DLG1: variants seen among roughly 807,000 people sequenced by gnomAD.
DLG1 encodes discs large MAGUK scaffold protein 1.
Under a neutral mutation model 123.4 loss-of-function variants are expected in DLG1, and 42 were observed. The observed-to-expected ratio is 0.34, with a 90% confidence interval of 0.27 to 0.44. The LOEUF is 0.44. DLG1 is among the 20% of genes least tolerant of loss of function. The pLI is 1.00. For missense variants in DLG1, 942 were observed against 1,082.6 expected (o/e 0.87, Z 1.82); for synonymous variants, 317 against 356.2 (o/e 0.89, Z 1.24).
At chr3:197,271,004 A>T (rs1214756530) in intron 4 of DLG1, among the ~76,000 whole-genome samples, 2 of 152,146 alleles carry the variant, frequency 1.3e-5, no homozygotes, top group Non-Finnish European at 2.9e-5. Context: ...TGTCATTTAA[A>T]GGGGGGGAAA....
At position 197,288,449 on chromosome 3, in the gene DLG1, C is replaced by CA. The variant is rs1235620243; in HGVS notation, c.152-5605dup. 2.7e-5 allele frequency among the ~76,000 whole-genome samples: 4 copies of CA among 150,198 alleles called. No individual in the cohort carries two copies. The East Asian group carries it at 7.8e-4, about 29-fold the overall frequency. On this transcript the variant is annotated intron_variant, in intron 3 of 24. Transcript: ENST00000667157. ...AAAATGGTACGAATCTGGCCAGGCA[C>CA]AGTGGTTCATGCATGTAATCCCAGC...
At chr3:197,090,796 CTGAT>C (rs1226124998) in intron 15 of DLG1, 112 bp downstream of exon 15, 1 of 549,968 alleles carries the variant, frequency 1.8e-6, no homozygotes, top group Non-Finnish European at 3.2e-6. Flanking sequence ...AAAAACAACA[CTGAT>C]TGGCAATATA....
chr3:197,205,816 A>G (rs1279814087), intron 4 of DLG1, among the ~76,000 whole-genome samples: 1 of 152,180 alleles, frequency 6.6e-6, no homozygotes, highest in African/African-American at 2.4e-5. Context: ...CTACAGAAGA[A>G]TCTCTTTTCT....
chr3:197,201,711 G>A (rs1725823546), intron 4 of DLG1, among the ~76,000 whole-genome samples: 1 of 152,074 alleles, frequency 6.6e-6, no homozygotes, highest in South Asian at 2.1e-4. Flanking sequence ...TCATGGATCA[G>A]AAGAATGAAT....
At chr3:197,154,299 CA>C (rs985643607) in intron 5 of DLG1, among the ~76,000 whole-genome samples, 1 of 150,292 alleles carries the variant, frequency 6.7e-6, no homozygotes, top group Non-Finnish European at 1.5e-5. Context: ...AAGACTCTGT[CA>C]AAAAAAACAA....
rs560651344 is a variant in DLG1, at chr3:197,284,365, T to C, written c.152-1520A>G. Among the ~76,000 whole-genome samples, 134 of 152,294 alleles carry C rather than the reference T, an allele frequency of 8.8e-4. 1 individual carries two copies. The highest frequency in any genetic ancestry group is 3.4e-3 in the Middle Eastern group (1 of 294). Reference sequence around the variant, plus strand: ...CACTATGTAAAACAAAATCCAACTATAGCAAAATAATGCTTCAAAAGTCAT... The same window carrying C: ...CACTATGTAAAACAAAATCCAACTACAGCAAAATAATGCTTCAAAAGTCAT... On this transcript the variant is annotated intron_variant, in intron 3 of 24. Transcript: ENST00000667157.
intron 3 of DLG1, among the ~76,000 whole-genome samples, chr3:197,294,887 C>G (rs887029727): frequency 6.6e-6 from 1 of 152,066 alleles, no homozygotes; most frequent in Admixed American, 6.6e-5. Context: ...TGCAGTCTAT[C>G]TATCTGCCTA....
At chr3:197,104,585 G>A (rs1765300961) in intron 14 of DLG1, among the ~76,000 whole-genome samples, 1 of 152,140 alleles carries the variant, frequency 6.6e-6, no homozygotes, top group South Asian at 2.1e-4. Flanking sequence ...GGGAGGCTGA[G>A]GCAGGAGAAT....
intron 24 of DLG1, among the ~76,000 whole-genome samples, chr3:197,050,017 T>C (rs1726208237): frequency 6.6e-6 from 1 of 151,958 alleles, no homozygotes; most frequent in African/African-American, 2.4e-5. Context: ...GCCATGATCA[T>C]GACACTGTAC....
chr3:197,087,555 T>C (rs1366680863), intron 15 of DLG1, among the ~76,000 whole-genome samples: 1 of 152,154 alleles, frequency 6.6e-6, no homozygotes, highest in Non-Finnish European at 1.5e-5. Context: ...TAGCACACTG[T>C]GTCTATTTCT....
upstream of DLG1, chr3:197,298,621 AC>A (rs1181864347): frequency 5.1e-6 from 1 of 197,308 alleles, no homozygotes; most frequent in Non-Finnish European, 9.9e-6. Context: ...GTAGATCCCC[AC>A]CGGGGAAAAG....
At chr3:197,161,246 A>G (rs980411788) in intron 5 of DLG1, among the ~76,000 whole-genome samples, 2 of 152,230 alleles carry the variant, frequency 1.3e-5, no homozygotes, top group African/African-American at 4.8e-5. Flanking sequence ...AGATAAATAT[A>G]TAACAGGAAA....
intron 17 of DLG1, among the ~76,000 whole-genome samples, chr3:197,079,190 AAG>A (rs1309583715): frequency 6.6e-6 from 1 of 152,158 alleles, no homozygotes; most frequent in Non-Finnish European, 1.5e-5. Flanking sequence ...GCTATATCGC[AAG>A]AGAGACAGTG....
chr3:197,198,635 C>T (rs753565777), intron 4 of DLG1, among the ~76,000 whole-genome samples: 1 of 151,870 alleles, frequency 6.6e-6, no homozygotes, highest in Non-Finnish European at 1.5e-5. Context: ...AAACATTTTC[C>T]CAAAGAAGAT....
chr3:197,131,232 T>C (rs1229925858), intron 10 of DLG1, among the ~76,000 whole-genome samples: 1 of 152,220 alleles, frequency 6.6e-6, no homozygotes, highest in Non-Finnish European at 1.5e-5. Flanking sequence ...TTCTCCTAAA[T>C]GGTTTTAGTA....
At chr3:197,145,006 T>TG (rs1463135666) in intron 6 of DLG1, among the ~76,000 whole-genome samples, 3 of 151,588 alleles carry the variant, frequency 2.0e-5, no homozygotes, top group Non-Finnish European at 2.9e-5. Context: ...TTCATAGAGA[T>TG]GGGGTCTATG....
chr3:197,122,206 C>T (rs573608760), intron 11 of DLG1, among the ~76,000 whole-genome samples: 25 of 151,890 alleles, frequency 1.6e-4, no homozygotes, highest in South Asian at 1.0e-3. Context: ...TAATTTATCA[C>T]GTTAACAAAA....
chr3:197,123,013 T>C (rs1031432391), intron 11 of DLG1, among the ~76,000 whole-genome samples: 2 of 152,022 alleles, frequency 1.3e-5, no homozygotes, highest in Non-Finnish European at 2.9e-5. Context: ...AGCCTAGAAA[T>C]AGGTTCATAT....
At chr3:197,186,126 A>T (rs918141238) in intron 5 of DLG1, among the ~76,000 whole-genome samples, 4 of 152,314 alleles carry the variant, frequency 2.6e-5, no homozygotes, top group Non-Finnish European at 4.4e-5. Context: ...CATGACCTAC[A>T]AAAATCTAGG....
Sources: gnomAD v4.1 joint callset for allele counts (sites outside exome capture counted in the v4.1 genomes callset) on GRCh38, gnomAD v4.1.1 for gene constraint, MANE v1.5 for transcripts, NCBI Gene and HGNC (gene_info 2026-07-23, HGNC 2026-07-21) for gene names.